Variants in SHPRH observed in about 807,000 individuals in gnomAD.
The protein encoded by SHPRH is E3 ubiquitin-protein ligase SHPRH.
SHPRH carries 106 observed loss-of-function variants against 202.5 expected under a neutral mutation model. The ratio of observed to expected loss-of-function variants is 0.52; its 90% CI spans 0.45 to 0.62. SHPRH has a LOEUF of 0.62. Ranked by LOEUF, SHPRH falls within the 20% of genes least tolerant of loss-of-function variation. SHPRH has a pLI of 0.00. For synonymous variants in SHPRH, 729 were observed against 686.0 expected (o/e 1.06, Z -0.98); for missense variants, 1,710 against 2,020.0 (o/e 0.85, Z 2.94).
At chr6:145,926,114 T>A in intron 16 of SHPRH, 90 bp downstream of exon 16, 2 of 1,100,798 alleles carry the variant, frequency 1.8e-6, no homozygotes, top group Non-Finnish European at 2.7e-6. Context: ...CATTTATTTG[T>A]ATGTTGTATG....
chr6:145,924,268 C>T (rs1784677674), intron 17 of SHPRH, among the ~76,000 whole-genome samples: 2 of 145,024 alleles, frequency 1.4e-5, no homozygotes, highest in South Asian at 4.4e-4. Context: ...ATTTGCAACA[C>T]CTGATTTAAA....
intron 28 of SHPRH, among the ~76,000 whole-genome samples, chr6:145,891,484 C>T (rs554086138): frequency 1.3e-5 from 2 of 152,134 alleles, no homozygotes; most frequent in African/African-American, 2.4e-5. Flanking sequence ...CCAGATTGTA[C>T]TTAGTTTATT....
chr6:145,909,666 A>T (rs1435550391), intron 25 of SHPRH: 1 of 152,160 alleles, frequency 6.6e-6, no homozygotes, highest in Admixed American at 6.6e-5. Flanking sequence ...CATCTTGCTT[A>T]AGAGTCAACC....
rs1781244288 is a variant in SHPRH, at chr6:145,888,084, T to G, written c.4891A>C (p.Arg1631=). ...IGQTKPTIVH[R]FLIKATIEER... ...TCTATTGTTGCTTTAATTAAGAATC[T>G]GTGTACAATAGTAGGTCTAAAAGGT... The change falls in exon 29 of 30, where the codon AGA becomes CGA. Residue 1631 remains arginine, a synonymous_variant. Transcript: ENST00000275233. 1 of 1,611,610 alleles carries G rather than the reference T, an allele frequency of 6.2e-7. No homozygotes were observed. Among genetic ancestry groups the G allele is most frequent in the Non-Finnish European group, 8.5e-7 (1 of 1,178,166 alleles).
intron 11 of SHPRH, 158 bp from the exon 12 acceptor site, chr6:145,935,599 T>C: frequency 1.4e-6 from 1 of 704,028 alleles, no homozygotes; most frequent in Non-Finnish European, 2.3e-6. Flanking sequence ...TCCAATTCCA[T>C]TTATACTTAT....
Position 145,923,646 on chromosome 6 carries a change from T to C in SHPRH, c.3542A>G (p.Glu1181Gly). 6.2e-7 allele frequency: 1 copy of C among 1,611,758 alleles called. No homozygotes were observed. The highest frequency in any genetic ancestry group is 8.5e-7 in the Non-Finnish European group (1 of 1,178,550). ...CTTTTTCTTCCTGTTTTCTTACTTC[T>C]CTGACATAGAAAGCTTGCCAGTTTG... ...KQQTGKLSMS[E>G]KFRDCRGLQF... is the part of the protein sequence containing the mutation. Residue 1181 changes from glutamate (E) to glycine (G), a missense_variant, in exon 18 of 30, where the codon GAG becomes GGG. Physicochemically the swap from Glu to Gly is moderately conservative, Grantham distance 98 (BLOSUM62 -2). This residue lies in a region of SHPRH where 288 missense variants were observed against 317.8 expected (regional missense o/e 0.91). Transcript: ENST00000275233.
At position 145,886,784 on chromosome 6, in the gene SHPRH, G is replaced by A. The variant is rs1339376242; in HGVS notation, c.4959C>T (p.His1653=). 1 of 1,612,826 alleles carries A rather than the reference G, an allele frequency of 6.2e-7. No individual in the cohort carries two copies. The highest frequency in any genetic ancestry group is 1.7e-5 in the Admixed American group (1 of 59,876). Residue 1653 remains histidine, a synonymous_variant, in exon 30 of 30, where the codon CAC becomes CAT. Coordinates refer to ENST00000275233, the MANE Select transcript of SHPRH (RefSeq NM_001042683.3). ...QAMLKTAERS[H]TNSSAKHSEA... is the part of the protein sequence containing the mutation. ...CTGAATGCTTTGCTGATGAGTTCGT[G>A]TGACTGCAAGGTTTCCCAAATGAGC... is the stretch of plus-strand genomic sequence containing the variant.
intron 25 of SHPRH, among the ~76,000 whole-genome samples, chr6:145,898,068 T>C (rs944060930): frequency 6.6e-6 from 1 of 152,098 alleles, no homozygotes; most frequent in African/African-American, 2.4e-5. Flanking sequence ...AGGAGGAAGT[T>C]AAACTGTTTG....
intron 23 of SHPRH, among the ~76,000 whole-genome samples, chr6:145,915,030 T>A (rs901406847): frequency 2.0e-5 from 3 of 150,910 alleles, no homozygotes; most frequent in African/African-American, 7.3e-5. Context: ...TCTGAAGGAA[T>A]CTTAAAATAG....
At position 145,964,353 on chromosome 6, in the gene SHPRH, T is replaced by C. The variant is rs1324065574; in HGVS notation, c.-655A>G. The C allele has an allele frequency of 6.6e-6, 1 of 152,194 alleles. No homozygotes were observed. Among genetic ancestry groups the C allele is most frequent in the Non-Finnish European group, 1.5e-5 (1 of 68,100 alleles). 9.4% of individuals were successfully genotyped at this position (152,194 alleles called of 1,614,324 possible). ...GCGCCTAGCTGCCGGGCGCGCGCTG[T>C]AGCGTGGGGTCAAGGCGAACGCGCT... On this transcript the variant is annotated 5_prime_UTR_variant, in exon 1 of 30. Coordinates refer to ENST00000275233, the MANE Select transcript of SHPRH (RefSeq NM_001042683.3).
At chr6:145,910,847 T>C (rs1422901358) in intron 24 of SHPRH, among the ~76,000 whole-genome samples, 2 of 152,158 alleles carry the variant, frequency 1.3e-5, no homozygotes, top group African/African-American at 2.4e-5. Flanking sequence ...GTGAGTATGA[T>C]AGTCAGTCAC....
At position 145,935,358 on chromosome 6, in the gene SHPRH, A is replaced by G. The variant is rs372851171; in HGVS notation, c.2653T>C (p.Cys885Arg). ...WWVRLLYRPYCKKNPQHLYSF... is the reference protein window; with the variant it reads ...WWVRLLYRPYRKKNPQHLYSF... ...TAGAGATGCTGAGGATTCTTCTTGC[A>G]GTAAGGCCGATAGAGAAGTCGAACC... The change falls in exon 12 of 30, where the codon TGC becomes CGC. Residue 885 changes from cysteine to arginine, a missense_variant. This residue lies in a region of SHPRH where 277 missense variants were observed against 363.0 expected (regional missense o/e 0.76). Coordinates refer to ENST00000275233, the MANE Select transcript of SHPRH (RefSeq NM_001042683.3). The G allele has an allele frequency of 9.3e-6, 15 of 1,613,956 alleles. No homozygotes were observed. The highest frequency in any genetic ancestry group is 1.3e-5 in the Non-Finnish European group (15 of 1,180,014).
At chr6:145,950,227 T>C in intron 4 of SHPRH, 37 bp downstream of exon 4, 1 of 1,578,224 alleles carries the variant, frequency 6.3e-7, no homozygotes, top group Non-Finnish European at 8.7e-7. Context: ...GTAATCTCTC[T>C]AATCAATTGG....
intron 29 of SHPRH, 103 bp from the exon 30 acceptor site, chr6:145,886,890 T>C: frequency 8.1e-7 from 1 of 1,236,946 alleles, no homozygotes; most frequent in Non-Finnish European, 1.1e-6. Flanking sequence ...CTTAAGTTTT[T>C]GTAATTGGGA....
intron 2 of SHPRH, among the ~76,000 whole-genome samples, chr6:145,953,055 A>G (rs1582823917): frequency 6.6e-6 from 1 of 152,216 alleles, no homozygotes; most frequent in East Asian, 1.9e-4. Context: ...TAACCTATTG[A>G]TTTTGACCTA....
chr6:145,883,249 A>G (rs1178842277), downstream of SHPRH: 1 of 152,238 alleles, frequency 6.6e-6, no homozygotes, highest in Non-Finnish European at 1.5e-5. Context: ...TCAAGATAAC[A>G]AAGTCAGTCC....
chr6:145,868,667 T>C (rs1433219073), intron 2 of SHPRH, among the ~76,000 whole-genome samples: 2 of 152,196 alleles, frequency 1.3e-5, no homozygotes, highest in Non-Finnish European at 2.9e-5. Context: ...GTACTGTTTT[T>C]TATACTTCAT....
intron 2 of SHPRH, chr6:145,876,642 A>C (rs995666639): frequency 6.6e-6 from 1 of 152,064 alleles, no homozygotes; most frequent in African/African-American, 2.4e-5. Context: ...TTCACATACA[A>C]GTTTTTCTGT....
intron 7 of SHPRH, among the ~76,000 whole-genome samples, 186 bp downstream of exon 7, chr6:145,946,047 C>CAAACAA (rs1245568507): frequency 1.3e-5 from 2 of 151,974 alleles, no homozygotes; most frequent in African/African-American, 4.8e-5. Context: ...TGGGCCAAGT[C>CAAACAA]AAACAAAATA....
Sources: allele counts gnomAD v4.1 joint callset (sites outside exome capture counted in the v4.1 genomes callset), GRCh38; gene constraint gnomAD v4.1.1; regional missense constraint gnomAD v4.1.1; transcripts MANE v1.5; gene names NCBI Gene and HGNC (gene_info 2026-07-23, HGNC 2026-07-21).